The following HNRNPR variants were observed in gnomAD, a reference collection of about 807,000 sequenced individuals.
The protein encoded by HNRNPR is heterogeneous nuclear ribonucleoprotein R.
Under a neutral mutation model 70.3 loss-of-function variants are expected in HNRNPR, and 4 were observed. The observed-to-expected ratio is 0.06, with a 90% confidence interval of 0.03 to 0.13. HNRNPR has a LOEUF of 0.13. Among genes scored for constraint, HNRNPR ranks in the 10% least tolerant of loss-of-function variants. The pLI is 1.00. For missense variants in HNRNPR, 423 were observed against 788.5 expected, an observed-to-expected ratio of 0.54 and a Z score of 5.55; for synonymous variants, 241 against 267.6, an observed-to-expected ratio of 0.90 and a Z score of 0.97.
At chr1:23,335,043 A>G (rs928745200) in intron 4 of HNRNPR, among the ~76,000 whole-genome samples, 4 of 151,602 alleles carry the variant, frequency 2.6e-5, no homozygotes, top group Middle Eastern at 3.2e-3. Flanking sequence ...TCAGCCTCCC[A>G]AGTAGCTGGG....
At chr1:23,315,983 T>A (rs1392512206) in intron 8 of HNRNPR, among the ~76,000 whole-genome samples, 18 of 152,194 alleles carry the variant, frequency 1.2e-4, no homozygotes, top group Admixed American at 1.2e-3. Context: ...ACTGAAATTG[T>A]GTTTAAAATG....
intron 9 of HNRNPR, among the ~76,000 whole-genome samples, chr1:23,312,786 G>A (rs1332389833): frequency 1.3e-5 from 2 of 152,086 alleles, no homozygotes; most frequent in Non-Finnish European, 1.5e-5. Flanking sequence ...AAAGAACCAT[G>A]CCTGTGTCAC....
chr1:23,306,041 A>C lies in HNRNPR; in HGVS notation c.*4413T>G. On this transcript the variant is annotated 3_prime_UTR_variant, in exon 11 of 11. Transcript: ENST00000302271. ...ATTAGTGTGCAATAAATATCTCTTT[A>C]AGATGCATTATATGTTAATCTATCC... 6.6e-6 allele frequency: 1 copy of C among 152,186 alleles called. No homozygotes were observed. Among genetic ancestry groups the C allele is most frequent in the Non-Finnish European group, 1.5e-5 (1 of 68,024 alleles). 9.4% of individuals were successfully genotyped at this position (152,186 alleles called of 1,614,324 possible).
Position 23,310,714 on chromosome 1 carries a change from C to G in HNRNPR, c.1642G>C (p.Gly548Arg). 1 of 1,613,714 alleles carries G rather than the reference C, an allele frequency of 6.2e-7. No individual in the cohort carries two copies. Among genetic ancestry groups the G allele is most frequent in the Non-Finnish European group, 8.5e-7 (1 of 1,179,802 alleles). Residue 548 changes from glycine (G) to arginine (R), a missense_variant, in exon 11 of 11, where the codon GGT (glycine) becomes CGT (arginine). This residue lies in a region of HNRNPR where 169 missense variants were observed against 195.6 expected (regional missense o/e 0.86). Coordinates refer to ENST00000302271, the MANE Select transcript of HNRNPR (RefSeq NM_005826.5). The surrounding 1 kb of genome is among the most constrained non-coding windows in gnomAD (Gnocchi z 6.0). ...PPRGSRGGRGGPAQQQRGRGS... is the reference protein window; with the variant it reads ...PPRGSRGGRGRPAQQQRGRGS... The stretch of plus-strand genomic sequence containing the variant: ...CGGCCTCTCTGCTGTTGAGCAGGAC[C>G]CCCTCTGCCACCCCTAGAGCCTCTT...
intron 3 of HNRNPR, chr1:23,338,248 A>C (rs573915092): frequency 5.8e-6 from 2 of 344,920 alleles, no homozygotes; most frequent in East Asian, 9.9e-5. Flanking sequence ...ACAACCATCA[A>C]AACTTGGCTT....
At chr1:23,334,888 C>T (rs1470988547) in intron 4 of HNRNPR, among the ~76,000 whole-genome samples, 1 of 151,686 alleles carries the variant, frequency 6.6e-6, no homozygotes, top group South Asian at 2.1e-4. Flanking sequence ...ACACAATCTA[C>T]CTAGAAAAGA....
At chr1:23,311,404 G>A (rs1645332452) in intron 9 of HNRNPR, 82 bp from the exon 10 acceptor site, 1 of 884,700 alleles carries the variant, frequency 1.1e-6, no homozygotes, top group African/African-American at 1.7e-5. Flanking sequence ...TTATACTTGT[G>A]TAATTTAATA....
chr1:23,330,629 G>C (rs1646183701), intron 5 of HNRNPR, among the ~76,000 whole-genome samples: 1 of 152,190 alleles, frequency 6.6e-6, no homozygotes, highest in South Asian at 2.1e-4. Flanking sequence ...GTAGGTCTGA[G>C]AGCTCAGACA....
rs993547262 is a variant in HNRNPR at position 23,310,377 on chromosome 1, G to A, written c.*77C>T. 7.1e-5 allele frequency: 100 copies of A among 1,406,108 alleles called. No individual in the cohort carries two copies. The highest frequency in any genetic ancestry group is 9.0e-5 in the Non-Finnish European group (94 of 1,047,086). 87.1% of individuals were successfully genotyped at this position (1,406,108 alleles called of 1,614,324 possible). ...TGCTACTTAAAGATGAAACAGTTAA[G>A]CCAATTTTTTTTTTTGAAGAATGTA... On this transcript the variant is annotated 3_prime_UTR_variant, in exon 11 of 11. Coordinates refer to ENST00000302271, the MANE Select transcript of HNRNPR (RefSeq NM_005826.5). This position sits in a 1 kb window ranked among gnomAD's most constrained non-coding sequence, Gnocchi z 6.0.
chr1:23,327,467 C>T (rs971489722), intron 5 of HNRNPR, among the ~76,000 whole-genome samples: 4 of 152,098 alleles, frequency 2.6e-5, no homozygotes, highest in Non-Finnish European at 5.9e-5. Flanking sequence ...GTGGGCAGAT[C>T]ACTTTAAGTC....
At chr1:23,329,203 A>C (rs931375879) in intron 5 of HNRNPR, among the ~76,000 whole-genome samples, 6 of 152,206 alleles carry the variant, frequency 3.9e-5, no homozygotes, top group African/African-American at 1.4e-4. Flanking sequence ...GTCCATGAAG[A>C]AACAGACCAC....
In HNRNPR at chr1:23,305,272, GT is replaced by G. The variant is rs2148282539; in HGVS notation, c.*5181del. ...TAAGGAGCATGCTATTTAGTGCTAA[GT>G]TTTATACCCTGATCCTTTCTGTCAC... On this transcript the variant is annotated 3_prime_UTR_variant, in exon 11 of 11. Transcript: ENST00000302271. 6.6e-6 allele frequency: 1 copy of G among 152,232 alleles called. No individual in the cohort carries two copies. The highest frequency in any genetic ancestry group is 1.5e-5 in the Non-Finnish European group (1 of 67,998). The allele number at this position is 152,232 out of a possible 1,614,324, so 9.4% of individuals were successfully genotyped here.
At chr1:23,343,826 C>A (rs945540488) in intron 1 of HNRNPR, among the ~76,000 whole-genome samples, 13 of 152,190 alleles carry the variant, frequency 8.5e-5, no homozygotes, top group Non-Finnish European at 1.5e-4. Context: ...GCTAGGCCGG[C>A]CGCGGCGGGA....
At position 23,305,516 on chromosome 1, in the gene HNRNPR, C is replaced by A. The variant is rs1466413169; in HGVS notation, c.*4938G>T. 1 of 152,124 alleles carries A rather than the reference C, an allele frequency of 6.6e-6. No individual in the cohort carries two copies. Among genetic ancestry groups the A allele is most frequent in the African/African-American group, 2.4e-5 (1 of 41,424 alleles). 9.4% of individuals were successfully genotyped at this position (152,124 alleles called of 1,614,324 possible). A position where few individuals can be genotyped will look rare whatever the true frequency, so the allele number is the denominator to read the frequency against. On this transcript the variant is annotated 3_prime_UTR_variant, in exon 11 of 11. Coordinates refer to ENST00000302271, the MANE Select transcript of HNRNPR (RefSeq NM_005826.5). ...AAGAAGATACAGTGCTGTAAGAATA[C>A]TGAGAAGGTTCTTCAGGCATGAAAA...
At chr1:23,316,565 T>A (rs532713359) in intron 8 of HNRNPR, among the ~76,000 whole-genome samples, 2 of 152,316 alleles carry the variant, frequency 1.3e-5, no homozygotes, top group East Asian at 1.9e-4. Context: ...TCCTCTTTTA[T>A]AATATTTTAT....
Position 23,318,483 on chromosome 1 carries a change from C to T in HNRNPR, c.1017G>A (p.Lys339=). The stretch of plus-strand genomic sequence containing the variant: ...GCCCATTCCAAGCAACTGTATTTAC[C>T]TTAGCCATGACTTCTGGATCTGGTT... ...VEEPDPEVMA[K]VKVLFVRNLA... The change falls in exon 8 of 11, where the codon AAG becomes AAA. Residue 339 remains lysine, a splice_region_variant and synonymous_variant. Transcript: ENST00000302271. This position sits in a 1 kb window ranked among gnomAD's most constrained non-coding sequence, Gnocchi z 4.2. 6.2e-7 allele frequency: 1 copy of T among 1,613,064 alleles called. No homozygotes were observed. The highest frequency in any genetic ancestry group is 8.5e-7 in the Non-Finnish European group (1 of 1,179,084).
rs990587102 is a variant in HNRNPR, at chr1:23,307,138, T to C, written c.*3316A>G. 13 of 152,266 alleles carry C rather than the reference T, an allele frequency of 8.5e-5. No homozygotes were observed. Among genetic ancestry groups the C allele is most frequent in the African/African-American group, 3.1e-4 (13 of 41,574 alleles). 9.4% of individuals were successfully genotyped at this position (152,266 alleles called of 1,614,324 possible). A position where few individuals can be genotyped will look rare whatever the true frequency, so the allele number is the denominator to read the frequency against. On this transcript the variant is annotated 3_prime_UTR_variant, in exon 11 of 11. Transcript: ENST00000302271. ...TTTGAAAAATCAAAATGACAAGTTT[T>C]AACATATTTAGAAGCCTTGATAATT...
At chr1:23,315,370 G>T (rs1008965790) in intron 8 of HNRNPR, among the ~76,000 whole-genome samples, 1 of 151,642 alleles carries the variant, frequency 6.6e-6, no homozygotes, top group Non-Finnish European at 1.5e-5. Context: ...CAGTCAATGT[G>T]ATAAGCAAGT....
rs568097765 is a variant in HNRNPR at position 23,309,539 on chromosome 1, A to G, written c.*915T>C. On this transcript the variant is annotated 3_prime_UTR_variant, in exon 11 of 11. Coordinates refer to ENST00000302271, the MANE Select transcript of HNRNPR (RefSeq NM_005826.5). ...ATGAACCTGTTTTTTTTTTTTTAAT[A>G]AAAGATAAAATTTCAAAATTAGAAG... 7.2e-5 allele frequency: 11 copies of G among 151,934 alleles called. No homozygotes were observed. Among genetic ancestry groups the G allele is most frequent in the African/African-American group, 2.7e-4 (11 of 41,470 alleles). The allele number at this position is 151,934 out of a possible 1,614,324, so 9.4% of individuals were successfully genotyped here.
Sources: gnomAD v4.1 joint callset for allele counts (sites outside exome capture counted in the v4.1 genomes callset) on GRCh38, gnomAD v4.1.1 for gene constraint, gnomAD v4.1.1 regional missense constraint, Gnocchi (gnomAD v3.1) non-coding constraint, MANE v1.5 for transcripts, NCBI Gene and HGNC (gene_info 2026-07-23, HGNC 2026-07-21) for gene names.